Variants in TRMT9B observed in about 807,000 individuals in gnomAD.
The protein encoded by TRMT9B is probable tRNA methyltransferase 9B.
A neutral mutation model predicts 11.5 loss-of-function variants in TRMT9B; 16 were observed. That is an observed-to-expected ratio of 1.39 (90% CI 0.94 to 2.11). The LOEUF is 2.11. Among genes scored for constraint, TRMT9B ranks in the 30% most tolerant of loss-of-function variants. TRMT9B has a pLI of 0.00. For synonymous variants in TRMT9B, 274 were observed against 192.4 expected, an observed-to-expected ratio of 1.42 and a Z score of -3.51; for missense variants, 941 against 553.8, an observed-to-expected ratio of 1.70 and a Z score of -7.02.
intron 1 of TRMT9B, among the ~76,000 whole-genome samples, chr8:12,949,342 A>G (rs1419137278): frequency 6.6e-6 from 1 of 152,228 alleles, no homozygotes. Context: ...AGCATCAGCA[A>G]CTGTCAATAT....
intron 4 of TRMT9B, among the ~76,000 whole-genome samples, chr8:13,016,406 T>C (rs1249580818): frequency 6.8e-6 from 1 of 147,714 alleles, no homozygotes; most frequent in Non-Finnish European, 1.5e-5. Flanking sequence ...ATAAATAATA[T>C]ATATAAAAGG....
intron 1 of TRMT9B, among the ~76,000 whole-genome samples, chr8:12,988,424 C>G (rs1278777383): frequency 3.3e-5 from 5 of 152,066 alleles, no homozygotes; most frequent in African/African-American, 1.2e-4. Context: ...CAGTATTAGT[C>G]CATTCTCAGG....
chr8:12,992,315 C>A (rs771137054), intron 2 of TRMT9B, among the ~76,000 whole-genome samples: 1 of 152,096 alleles, frequency 6.6e-6, no homozygotes, highest in East Asian at 1.9e-4. Flanking sequence ...TGACAGTATC[C>A]GGAAAAATGT....
intron 4 of TRMT9B, 29 bp from the exon 5 acceptor site, chr8:13,020,979 A>C (rs533620532): frequency 8.8e-5 from 128 of 1,449,576 alleles, no homozygotes; most frequent in Middle Eastern, 5.5e-4. Flanking sequence ...GTGTGCATAC[A>C]CACTGAGATC....
At chr8:12,953,688 T>C (rs993196930) in intron 1 of TRMT9B, among the ~76,000 whole-genome samples, 5 of 152,208 alleles carry the variant, frequency 3.3e-5, no homozygotes, top group African/African-American at 1.2e-4. Flanking sequence ...CTGTCTTTGA[T>C]GGCTGGCTGA....
chr8:12,981,445 A>T (rs1805372128), intron 1 of TRMT9B, among the ~76,000 whole-genome samples: 1 of 152,168 alleles, frequency 6.6e-6, no homozygotes, highest in African/African-American at 2.4e-5. Context: ...CTGGAGAGTG[A>T]TACAATGGTG....
At chr8:12,962,980 T>G (rs945660826) in intron 1 of TRMT9B, among the ~76,000 whole-genome samples, 3 of 152,186 alleles carry the variant, frequency 2.0e-5, no homozygotes, top group African/African-American at 7.2e-5. Flanking sequence ...TGTAGCCACA[T>G]GATTTGGGGG....
At chr8:12,985,362 G>A (rs893512852) in intron 1 of TRMT9B, among the ~76,000 whole-genome samples, 2 of 152,154 alleles carry the variant, frequency 1.3e-5, no homozygotes, top group African/African-American at 4.8e-5. Flanking sequence ...AATCTCTCTG[G>A]TGTATCATTA....
intron 1 of TRMT9B, among the ~76,000 whole-genome samples, chr8:12,989,479 T>G (rs990487890): frequency 4.6e-5 from 7 of 152,190 alleles, no homozygotes; most frequent in Admixed American, 4.6e-4. Context: ...ACAAGCCTCC[T>G]GCCCAGGTAG....
At chr8:13,012,649 G>A (rs767819449) in intron 3 of TRMT9B, 35 bp from the exon 4 acceptor site, 1 of 1,558,108 alleles carries the variant, frequency 6.4e-7, no homozygotes, top group South Asian at 1.2e-5. Context: ...ATTTTCCATT[G>A]AGGATAGCAT....
At chr8:12,993,588 C>G (rs141379755) in intron 2 of TRMT9B, among the ~76,000 whole-genome samples, 37 of 152,294 alleles carry the variant, frequency 2.4e-4, no homozygotes, top group African/African-American at 8.7e-4. Context: ...GATGGCAGTA[C>G]AAACAGAAAG....
At chr8:12,954,270 G>A (rs904031131) in intron 1 of TRMT9B, among the ~76,000 whole-genome samples, 15 of 152,152 alleles carry the variant, frequency 9.9e-5, no homozygotes, top group South Asian at 4.1e-4. Context: ...TCTGATACGC[G>A]GATATGTGAA....
chr8:13,005,250 C>T lies in TRMT9B; in HGVS notation c.-1-952C>T, dbSNP rs114086770. On this transcript the variant is annotated intron_variant, in intron 2 of 4. Transcript: ENST00000524591. The stretch of plus-strand genomic sequence containing the variant: ...AGCTAAAAATTAAAATAATTGAACT[C>T]ATGGTTATAGAGAGTAGAAGGATGG... 3.8e-3 allele frequency among the ~76,000 whole-genome samples: 577 copies of T among 152,082 alleles called. 5 individuals are homozygous for T. Among genetic ancestry groups the T allele is most frequent in the African/African-American group, 0.012 (512 of 41,484 alleles).
Position 13,025,171 on chromosome 8 carries a change from C to T in TRMT9B, c.*3127C>T. 2 of 166,984 alleles carry T rather than the reference C, an allele frequency of 1.2e-5. No homozygotes were observed. The allele number at this position is 166,984 out of a possible 1,614,324, so 10.3% of individuals were successfully genotyped here. On this transcript the variant is annotated 3_prime_UTR_variant, in exon 5 of 5. Transcript: ENST00000524591. Reference sequence around the variant, plus strand: ...TTACTTACTGGCATCAGCACAGAGTCCCACTATCTGAAATAGAAGGGAGAG... The same window carrying T: ...TTACTTACTGGCATCAGCACAGAGTTCCACTATCTGAAATAGAAGGGAGAG...
At position 12,953,940 on chromosome 8, in the gene TRMT9B, C is replaced by G. The variant is rs188123928; in HGVS notation, c.-200+7974C>G. ...AGAGAGCTCTGTATACACTCTTTTT[C>G]TAACTCCAAAGAAATTTTGTTTCTA... On this transcript the variant is annotated intron_variant, in intron 1 of 4. Transcript: ENST00000524591. 2.2e-3 allele frequency among the ~76,000 whole-genome samples: 328 copies of G among 152,320 alleles called. 2 individuals carry two copies. Among genetic ancestry groups the G allele is most frequent in the Middle Eastern group, 0.014 (4 of 294 alleles).
At chr8:12,965,561 G>T (rs139709747) in intron 1 of TRMT9B, among the ~76,000 whole-genome samples, 1 of 151,996 alleles carries the variant, frequency 6.6e-6, no homozygotes, top group African/African-American at 2.4e-5. Context: ...CTGATGACCC[G>T]AAAGTCTTTT....
At chr8:12,984,145 T>C (rs1185885308) in intron 1 of TRMT9B, among the ~76,000 whole-genome samples, 1 of 152,202 alleles carries the variant, frequency 6.6e-6, no homozygotes, top group African/African-American at 2.4e-5. Flanking sequence ...ATTAAAAATG[T>C]GGTATAAAAT....
chr8:12,946,939 A>G (rs552795858), intron 1 of TRMT9B, among the ~76,000 whole-genome samples: 1 of 152,310 alleles, frequency 6.6e-6, no homozygotes, highest in African/African-American at 2.4e-5. Flanking sequence ...TCCTTGGATA[A>G]AGGCAGCAGC....
intron 2 of TRMT9B, among the ~76,000 whole-genome samples, chr8:13,000,674 G>A (rs769035868): frequency 1.6e-4 from 25 of 152,128 alleles, no homozygotes; most frequent in Non-Finnish European, 3.1e-4. Context: ...AGGTTACCTC[G>A]TAAGCTTTAC....
Sources: gnomAD v4.1 joint callset for allele counts (sites outside exome capture counted in the v4.1 genomes callset) on GRCh38, gnomAD v4.1.1 for gene constraint, MANE v1.5 for transcripts, NCBI Gene and HGNC (gene_info 2026-07-23, HGNC 2026-07-21) for gene names.